DNAAF9: variants seen among roughly 807,000 people sequenced by gnomAD.
DNAAF9 encodes dynein axonemal assembly factor 9.
In DNAAF9, 90 loss-of-function variants were observed where a neutral mutation model predicts 167.0. That is an observed-to-expected ratio of 0.54 (90% CI 0.45 to 0.64). DNAAF9 has a LOEUF of 0.64. DNAAF9 is among the 30% of genes least tolerant of loss of function. DNAAF9 has a pLI of 0.00. For synonymous variants in DNAAF9, 491 were observed against 508.8 expected, an observed-to-expected ratio of 0.96 and a Z score of 0.47; for missense variants, 1,315 against 1,442.2, an observed-to-expected ratio of 0.91 and a Z score of 1.43.
rs955993472 is a variant in DNAAF9 at position 3,348,418 on chromosome 20, C to G, written c.789+107G>C. 1.8e-5 allele frequency: 10 copies of G among 553,724 alleles called. No homozygotes were observed. The African/African-American group carries it at 1.9e-4, about 11-fold the overall frequency. 34.3% of individuals were successfully genotyped at this position (553,724 alleles called of 1,614,324 possible). On this transcript the variant is annotated intron_variant, in intron 8 of 36. Transcript: ENST00000252032. ...TATACAACACAGCTTAAAGAAATGA[C>G]AAATTAGAATTGATAGTGTTGTATT...
At chr20:3,309,862 A>T (rs1299865677) in intron 20 of DNAAF9, among the ~76,000 whole-genome samples, 2 of 152,190 alleles carry the variant, frequency 1.3e-5, no homozygotes, top group African/African-American at 4.8e-5. Flanking sequence ...AAATATTTGC[A>T]ATATACTGAA....
At chr20:3,299,986 T>A (rs2069154984) in intron 21 of DNAAF9, among the ~76,000 whole-genome samples, 1 of 152,178 alleles carries the variant, frequency 6.6e-6, no homozygotes, top group Non-Finnish European at 1.5e-5. Context: ...CACTGCAACC[T>A]CTGCCTCCCA....
intron 31 of DNAAF9, among the ~76,000 whole-genome samples, chr20:3,264,096 C>T (rs1330167636): frequency 2.0e-5 from 3 of 152,324 alleles, no homozygotes; most frequent in Admixed American, 1.3e-4. Flanking sequence ...TTGTCAGAAG[C>T]GAGTCTCACC....
chr20:3,314,188 G>A (rs1247750497), intron 20 of DNAAF9, among the ~76,000 whole-genome samples: 1 of 152,098 alleles, frequency 6.6e-6, no homozygotes, highest in East Asian at 1.9e-4. Flanking sequence ...GGACTTAGAT[G>A]AGCTTGATCA....
intron 7 of DNAAF9, among the ~76,000 whole-genome samples, chr20:3,350,400 C>CA (rs61181387): frequency 0.019 from 2,875 of 148,184 alleles, 91 homozygotes; most frequent in African/African-American, 0.067. Flanking sequence ...TAGGATAAAA[C>CA]AAAAAAAAAT....
At chr20:3,387,715 A>G (rs1479719233) in intron 1 of DNAAF9, among the ~76,000 whole-genome samples, 1 of 151,696 alleles carries the variant, frequency 6.6e-6, no homozygotes, top group African/African-American at 2.4e-5. Flanking sequence ...CATCTATATA[A>G]CTCAACAACC....
At chr20:3,384,292 G>A (rs2083703151) in intron 1 of DNAAF9, 1 of 152,172 alleles carries the variant, frequency 6.6e-6, no homozygotes, top group African/African-American at 2.4e-5. Flanking sequence ...TGAATGAGTA[G>A]AGCACTAGAA....
intron 6 of DNAAF9, chr20:3,361,932 T>G: frequency 6.6e-7 from 1 of 1,519,654 alleles, no homozygotes; most frequent in African/African-American, 1.4e-5. Flanking sequence ...CATATTTTCT[T>G]TAGACATCAT....
Position 3,391,260 on chromosome 20 carries a change from G to T in DNAAF9, c.84-8754C>A, listed in dbSNP as rs75908640. Among the ~76,000 whole-genome samples the T allele has an allele frequency of 5.4e-3, 826 of 151,976 alleles. 2 individuals are homozygous for T. Among genetic ancestry groups the T allele is most frequent in the Middle Eastern group, 6.8e-3 (2 of 294 alleles). ...AAATTTAATTATTAACCAGAAGATAGTTTTTTATTCATCAATGAACCATGA... is the reference window on the plus strand; with the variant it reads ...AAATTTAATTATTAACCAGAAGATATTTTTTTATTCATCAATGAACCATGA... On this transcript the variant is annotated intron_variant, in intron 1 of 36. Transcript: ENST00000252032.
intron 29 of DNAAF9, among the ~76,000 whole-genome samples, chr20:3,272,636 C>G (rs2068613777): frequency 6.6e-6 from 1 of 152,100 alleles, no homozygotes; most frequent in Admixed American, 6.6e-5. Context: ...ATCTCCCATT[C>G]TGAAAGATGT....
In DNAAF9 at chr20:3,250,866, T is replaced by C. The variant is rs779584405; in HGVS notation, c.*1706A>G. ...GTTTGAGTTTTTAAAAAGAGTTCGG[T>C]AGAGCTAAAGGAAGCTACAGTAACT... On this transcript the variant is annotated 3_prime_UTR_variant, in exon 37 of 37. Coordinates refer to ENST00000252032, the MANE Select transcript of DNAAF9 (RefSeq NM_001009984.3). 1 of 152,106 alleles carries C rather than the reference T, an allele frequency of 6.6e-6. No individual in the cohort carries two copies. The highest frequency in any genetic ancestry group is 6.6e-5 in the Admixed American group (1 of 15,266). The allele number at this position is 152,106 out of a possible 1,614,324, so 9.4% of individuals were successfully genotyped here.
rs1246496230 is a variant in DNAAF9, at chr20:3,251,653, C to CTT, written c.*918_*919insAA. On this transcript the variant is annotated 3_prime_UTR_variant, in exon 37 of 37. Transcript: ENST00000252032. ...GGGATGAGTTTCCTGAAGTTTGTGG[C>CTT]TGAAAAGCAGGCCTTCCTTGGCAAG... 6.6e-6 allele frequency: 1 copy of CTT among 152,352 alleles called. No individual in the cohort carries two copies. The highest frequency in any genetic ancestry group is 2.4e-5 in the African/African-American group (1 of 41,456). 9.4% of individuals were successfully genotyped at this position (152,352 alleles called of 1,614,324 possible). A position where few individuals can be genotyped will look rare whatever the true frequency, so the allele number is the denominator to read the frequency against.
At chr20:3,270,639 G>T in intron 29 of DNAAF9, 77 bp from the exon 30 acceptor site, 1 of 1,303,156 alleles carries the variant, frequency 7.7e-7, no homozygotes, top group Non-Finnish European at 1.1e-6. Context: ...GTGAGCCCTT[G>T]CTCCATCCCC....
intron 20 of DNAAF9, among the ~76,000 whole-genome samples, chr20:3,306,352 A>G (rs950837923): frequency 1.3e-5 from 2 of 152,098 alleles, no homozygotes; most frequent in African/African-American, 4.8e-5. Context: ...TATTCTTCTC[A>G]TCCACATCAA....
At chr20:3,328,858 ACAC>A (rs2069765614) in intron 12 of DNAAF9, among the ~76,000 whole-genome samples, 1 of 148,644 alleles carries the variant, frequency 6.7e-6, no homozygotes, top group Admixed American at 6.8e-5. Context: ...ATACACACAC[ACAC>A]AATTTTCCTT....
Position 3,368,549 on chromosome 20 carries a change from T to G in DNAAF9, c.612+5499A>C, listed in dbSNP as rs1343726738. On this transcript the variant is annotated intron_variant, in intron 6 of 36. Transcript: ENST00000252032. ...TTTTTTTGAGACAGAGTCTTGCTCT[T>G]TCGCCCAGGCTGGAGTGCAGTGGCA... Among the ~76,000 whole-genome samples, 164 of 151,042 alleles carry G rather than the reference T, an allele frequency of 1.1e-3. 1 individual carries two copies. The highest frequency in any genetic ancestry group is 6.8e-3 in the Middle Eastern group (2 of 294).
At chr20:3,392,453 G>C (rs2083840016) in intron 1 of DNAAF9, among the ~76,000 whole-genome samples, 1 of 152,210 alleles carries the variant, frequency 6.6e-6, no homozygotes, top group Non-Finnish European at 1.5e-5. Flanking sequence ...AATAGATGTA[G>C]TTTGCCCAAG....
intron 14 of DNAAF9, among the ~76,000 whole-genome samples, chr20:3,324,583 C>T (rs1418889150): frequency 6.6e-6 from 1 of 152,198 alleles, no homozygotes; most frequent in Non-Finnish European, 1.5e-5. Context: ...GAAACCTCAC[C>T]ATTCAGGTAC....
chr20:3,404,695 C>G (rs1056635137), intron 1 of DNAAF9, among the ~76,000 whole-genome samples: 1 of 152,112 alleles, frequency 6.6e-6, no homozygotes, highest in African/African-American at 2.4e-5. Context: ...TCTACAGCAC[C>G]TAACAGAGTA....
Sources: allele counts gnomAD v4.1 joint callset (sites outside exome capture counted in the v4.1 genomes callset), GRCh38; gene constraint gnomAD v4.1.1; transcripts MANE v1.5; gene names NCBI Gene and HGNC (gene_info 2026-07-23, HGNC 2026-07-21).